Variants in ADGRL3 observed in about 807,000 individuals in gnomAD.
ADGRL3 encodes adhesion G protein-coupled receptor L3.
Under a neutral mutation model 153.5 loss-of-function variants are expected in ADGRL3, and 62 were observed. The ratio of observed to expected loss-of-function variants is 0.40; its 90% CI spans 0.33 to 0.50. ADGRL3 has a LOEUF of 0.50. ADGRL3 is among the 20% of genes least tolerant of loss of function. ADGRL3 has a pLI of 0.47. For missense variants in ADGRL3, 1,641 were observed against 1,859.4 expected, an observed-to-expected ratio of 0.88 and a Z score of 2.16; for synonymous variants, 710 against 672.5, an observed-to-expected ratio of 1.06 and a Z score of -0.86.
chr4:61,208,474 A>T (rs556708830), intron 1 of ADGRL3, among the ~76,000 whole-genome samples: 47 of 152,266 alleles, frequency 3.1e-4, no homozygotes, highest in South Asian at 1.2e-3. Flanking sequence ...ATTGGGTCTC[A>T]TGAGAGTCCT....
chr4:61,895,849 T>G lies in ADGRL3; in HGVS notation c.1887+15T>G, dbSNP rs748706436. On this transcript the variant is annotated intron_variant, in intron 11 of 26. Transcript: ENST00000683033. ...TAACACAGAAGGTAAATCTTGTGAC[T>G]GACAAGAAAGTCTTTGCTAAAACTA... 6 of 1,463,972 alleles carry G rather than the reference T, an allele frequency of 4.1e-6. No individual in the cohort carries two copies. The Admixed American group carries it at 1.2e-4, about 28-fold the overall frequency. The allele number at this position is 1,463,972 out of a possible 1,614,324, so 90.7% of individuals were successfully genotyped here.
intron 5 of ADGRL3, among the ~76,000 whole-genome samples, chr4:61,593,093 T>G (rs1053977959): frequency 2.0e-5 from 3 of 152,164 alleles, no homozygotes; most frequent in Non-Finnish European, 4.4e-5. Context: ...TAACACTGAT[T>G]GCATAAAGAA....
intron 3 of ADGRL3, among the ~76,000 whole-genome samples, chr4:61,501,455 T>C (rs2098385859): frequency 6.6e-6 from 1 of 152,168 alleles, no homozygotes; most frequent in African/African-American, 2.4e-5. Context: ...CCCTGAGCAC[T>C]AGGTAAGGAA....
At chr4:61,658,980 T>C (rs1403474047) in intron 5 of ADGRL3, among the ~76,000 whole-genome samples, 1 of 152,162 alleles carries the variant, frequency 6.6e-6, no homozygotes, top group East Asian at 1.9e-4. Flanking sequence ...AGCAAGATAC[T>C]GTTTTAGAAG....
intron 25 of ADGRL3, among the ~76,000 whole-genome samples, chr4:62,053,055 A>C (rs1030750592): frequency 6.6e-6 from 1 of 151,498 alleles, no homozygotes; most frequent in African/African-American, 2.4e-5. Context: ...CTAATATTGT[A>C]AACATAAAGG....
At chr4:61,324,498 T>C (rs145752305) in intron 1 of ADGRL3, among the ~76,000 whole-genome samples, 150 of 152,306 alleles carry the variant, frequency 9.8e-4, no homozygotes, top group African/African-American at 3.5e-3. Flanking sequence ...TGATTATTTC[T>C]AAGAATAAAT....
chr4:61,492,343 G>A (rs2098267859), intron 2 of ADGRL3, among the ~76,000 whole-genome samples: 1 of 152,040 alleles, frequency 6.6e-6, no homozygotes, highest in African/African-American at 2.4e-5. Flanking sequence ...ACAAGATATA[G>A]TTTCTTGTCT....
At chr4:61,512,575 A>T (rs933510248) in intron 3 of ADGRL3, among the ~76,000 whole-genome samples, 1 of 152,174 alleles carries the variant, frequency 6.6e-6, no homozygotes, top group Non-Finnish European at 1.5e-5. Context: ...AAAATCTTCA[A>T]TTAGGGAAGA....
At chr4:61,540,246 G>A (rs746763388) in intron 4 of ADGRL3, among the ~76,000 whole-genome samples, 1 of 152,020 alleles carries the variant, frequency 6.6e-6, no homozygotes, top group Non-Finnish European at 1.5e-5. Context: ...CCCCAATACT[G>A]AGTTAAATAC....
At chr4:61,305,410 A>C (rs1425827143) in intron 1 of ADGRL3, among the ~76,000 whole-genome samples, 1 of 152,132 alleles carries the variant, frequency 6.6e-6, no homozygotes, top group African/African-American at 2.4e-5. Flanking sequence ...ACTGTAGTAC[A>C]TATGGTGTTG....
intron 24 of ADGRL3, among the ~76,000 whole-genome samples, chr4:62,039,204 A>T (rs1726822710): frequency 6.6e-6 from 1 of 152,106 alleles, no homozygotes; most frequent in Admixed American, 6.6e-5. Flanking sequence ...AGAAAATTTA[A>T]TTTCTTTATA....
intron 2 of ADGRL3, among the ~76,000 whole-genome samples, chr4:61,409,374 A>G (rs1222150442): frequency 1.5e-5 from 2 of 130,098 alleles, no homozygotes; most frequent in Non-Finnish European, 3.2e-5. Flanking sequence ...TATATATAAG[A>G]CATATATTAT....
chr4:61,763,613 C>A (rs1044402097), intron 8 of ADGRL3, among the ~76,000 whole-genome samples: 1 of 151,934 alleles, frequency 6.6e-6, no homozygotes, highest in Admixed American at 6.6e-5. Flanking sequence ...TATTAACATA[C>A]CCAAATATAT....
At chr4:61,227,979 T>C (rs1479091348) in intron 1 of ADGRL3, among the ~76,000 whole-genome samples, 1 of 152,248 alleles carries the variant, frequency 6.6e-6, no homozygotes, top group Non-Finnish European at 1.5e-5. Context: ...TACTCCTTAA[T>C]TATCTGCTTC....
At chr4:62,038,418 C>T in intron 24 of ADGRL3, among the ~76,000 whole-genome samples, 1 of 152,036 alleles carries the variant, frequency 6.6e-6, no homozygotes, top group Non-Finnish European at 1.5e-5. Context: ...CAGTATAGTA[C>T]CTTACCAGAA....
chr4:61,295,049 AT>A (rs2094360549), intron 1 of ADGRL3, among the ~76,000 whole-genome samples: 1 of 152,110 alleles, frequency 6.6e-6, no homozygotes, highest in African/African-American at 2.4e-5. Context: ...TATGTTTTAA[AT>A]TGCCTGCCTT....
At chr4:61,893,778 T>G (rs913963176) in intron 10 of ADGRL3, among the ~76,000 whole-genome samples, 1 of 141,130 alleles carries the variant, frequency 7.1e-6, no homozygotes, top group Non-Finnish European at 1.5e-5. Flanking sequence ...AGCAGCATGA[T>G]CTCGGCTTAC....
chr4:61,315,084 A>G (rs1233447011), intron 1 of ADGRL3, among the ~76,000 whole-genome samples: 1 of 152,200 alleles, frequency 6.6e-6, no homozygotes, highest in Non-Finnish European at 1.5e-5. Flanking sequence ...AGGGACATGT[A>G]AGCTGAGATT....
intron 8 of ADGRL3, among the ~76,000 whole-genome samples, chr4:61,767,156 G>GA: frequency 6.6e-6 from 1 of 151,928 alleles, no homozygotes; most frequent in Non-Finnish European, 1.5e-5. Flanking sequence ...AAGGTTGGGG[G>GA]ATACAAGAGG....
Sources: allele counts gnomAD v4.1 joint callset (sites outside exome capture counted in the v4.1 genomes callset), GRCh38; gene constraint gnomAD v4.1.1; transcripts MANE v1.5; gene names NCBI Gene and HGNC (gene_info 2026-07-23, HGNC 2026-07-21).